ZC2HC1B: variants seen among roughly 807,000 people sequenced by gnomAD.
ZC2HC1B encodes the protein zinc finger C2HC domain-containing protein 1B.
Under a neutral mutation model 31.0 loss-of-function variants are expected in ZC2HC1B, and 36 were observed. The observed-to-expected ratio is 1.16, with a 90% confidence interval of 0.89 to 1.54. The LOEUF (loss-of-function observed/expected upper bound fraction) is 1.54. ZC2HC1B is among the 40% of genes most tolerant of loss of function. The probability of loss-of-function intolerance (pLI) is 0.00; values close to 1 mark genes in which losing one functional copy is unlikely to be tolerated. For synonymous variants in ZC2HC1B, 73 were observed against 88.0 expected (o/e 0.83, Z 0.95); for missense variants, 260 against 268.6 (o/e 0.97, Z 0.22).
chr6:143,872,875 T>C lies in ZC2HC1B; in HGVS notation c.28+8308T>C, dbSNP rs1582950092. On this transcript the variant is annotated intron_variant, in intron 1 of 7. Transcript: ENST00000237275. This position sits in a 1 kb window ranked among gnomAD's most constrained non-coding sequence, Gnocchi z 5.5. ...CTGGGAGATAAAATTCAAGTGGAGA[T>C]TTGGGTAGGGACACAACCAAACCAT... Among the ~76,000 whole-genome samples, 1 of 152,260 alleles carries C rather than the reference T, an allele frequency of 6.6e-6. No homozygotes were observed. Among genetic ancestry groups the C allele is most frequent in the East Asian group, 1.9e-4 (1 of 5,178 alleles).
chr6:143,886,725 GAC>G lies in ZC2HC1B; in HGVS notation c.254_255del (p.Asp85ValfsTer3). 1 of 1,547,320 alleles carries G rather than the reference GAC, an allele frequency of 6.5e-7. No individual in the cohort carries two copies. Among genetic ancestry groups the G allele is most frequent in the Non-Finnish European group, 8.7e-7 (1 of 1,145,004 alleles). ...GTCTAACTGGAGACAACAACATGAA[GAC>G]TTTATTAATGCAATCCGATCAGCAA... ...RKSNWRQQHE[D>X]FINAIRSAKQ... On this transcript the variant is annotated frameshift_variant, in exon 4 of 8. Coordinates refer to ENST00000237275, the MANE Select transcript of ZC2HC1B (RefSeq NM_001013623.3). LOFTEE classifies it high-confidence loss of function. The surrounding 1 kb of genome is among the most constrained non-coding windows in gnomAD (Gnocchi z 4.2).
Position 143,903,218 on chromosome 6 carries a change from G to C in ZC2HC1B, c.598+66G>C. On this transcript the variant is annotated intron_variant, in intron 6 of 7. Coordinates refer to ENST00000237275, the MANE Select transcript of ZC2HC1B (RefSeq NM_001013623.3). This position sits in a 1 kb window ranked among gnomAD's most constrained non-coding sequence, Gnocchi z 4.3. ...TCAGAGGAGATCACTGTTGGGTTTG[G>C]GATTCACTGGTAGTCTGCAAAAGCT... 1 of 1,378,570 alleles carries C rather than the reference G, an allele frequency of 7.3e-7. No individual in the cohort carries two copies. Among genetic ancestry groups the C allele is most frequent in the Non-Finnish European group, 1.0e-6 (1 of 990,146 alleles). The allele number at this position is 1,378,570 out of a possible 1,614,324, so 85.4% of individuals were successfully genotyped here. A position where few individuals can be genotyped will look rare whatever the true frequency, so the allele number is the denominator to read the frequency against.
chr6:143,891,203 C>T (rs1365523092), intron 4 of ZC2HC1B, among the ~76,000 whole-genome samples: 4 of 149,474 alleles, frequency 2.7e-5, no homozygotes, highest in African/African-American at 7.4e-5. Context: ...GTGTATTTAA[C>T]AAAATATATG....
Position 143,895,496 on chromosome 6 carries a change from T to G in ZC2HC1B, c.350-3056T>G, listed in dbSNP as rs1777655672. On this transcript the variant is annotated intron_variant, in intron 4 of 7. Coordinates refer to ENST00000237275, the MANE Select transcript of ZC2HC1B (RefSeq NM_001013623.3). The surrounding 1 kb of genome is among the most constrained non-coding windows in gnomAD (Gnocchi z 4.8). ...AGAATTTATATACATATAACTAGAG[T>G]TATATATAACATGGCCTAACATGCA... Among the ~76,000 whole-genome samples the G allele has an allele frequency of 6.6e-6, 1 of 152,050 alleles. No homozygotes were observed. Among genetic ancestry groups the G allele is most frequent in the South Asian group, 2.1e-4 (1 of 4,820 alleles).
rs1408221678 is a variant in ZC2HC1B at position 143,871,265 on chromosome 6, G to A, written c.28+6698G>A. On this transcript the variant is annotated intron_variant, in intron 1 of 7. Coordinates refer to ENST00000237275, the MANE Select transcript of ZC2HC1B (RefSeq NM_001013623.3). This position sits in a 1 kb window ranked among gnomAD's most constrained non-coding sequence, Gnocchi z 4.1. ...GTCAGCATAATGTCATCAATGTAATGGACCAGTGTGATACCTTGTGGAAGC... is the reference window on the plus strand; with the variant it reads ...GTCAGCATAATGTCATCAATGTAATAGACCAGTGTGATACCTTGTGGAAGC... Among the ~76,000 whole-genome samples, 1 of 152,126 alleles carries A rather than the reference G, an allele frequency of 6.6e-6. No individual in the cohort carries two copies. Among genetic ancestry groups the A allele is most frequent in the African/African-American group, 2.4e-5 (1 of 41,430 alleles).
chr6:143,881,969 G>A (rs1777473684), intron 1 of ZC2HC1B, among the ~76,000 whole-genome samples: 1 of 152,098 alleles, frequency 6.6e-6, no homozygotes, highest in Non-Finnish European at 1.5e-5. Context: ...TTGTTTTCAG[G>A]TGAGTACTAA....
At position 143,921,199 on chromosome 6, in the gene ZC2HC1B, C is replaced by T. The variant is rs1284856768; in HGVS notation, c.599-16450C>T. On this transcript the variant is annotated intron_variant, in intron 6 of 7. Transcript: ENST00000237275. The surrounding 1 kb of genome is among the most constrained non-coding windows in gnomAD (Gnocchi z 6.1). ...TTCCTTCAGTTCTTTGCTAAAGTGTCGCCTCAGTGAGACTTCTCCAACCTC... is the reference window on the plus strand; with the variant it reads ...TTCCTTCAGTTCTTTGCTAAAGTGTTGCCTCAGTGAGACTTCTCCAACCTC... Among the ~76,000 whole-genome samples the T allele has an allele frequency of 4.6e-5, 7 of 152,298 alleles. No individual in the cohort carries two copies. In the South Asian group the frequency reaches 8.3e-4, roughly 18 times the overall value.
chr6:143,908,066 T>A lies in ZC2HC1B; in HGVS notation c.598+4914T>A, dbSNP rs1158274891. On this transcript the variant is annotated intron_variant, in intron 6 of 7. Coordinates refer to ENST00000237275, the MANE Select transcript of ZC2HC1B (RefSeq NM_001013623.3). This position sits in a 1 kb window ranked among gnomAD's most constrained non-coding sequence, Gnocchi z 4.4. Reference sequence around the variant, plus strand: ...TCCCCATTGCTTGTTTTTGTCAGGTTTGTTGAAGATCAGATGGTTTTAGGT... The same window carrying A: ...TCCCCATTGCTTGTTTTTGTCAGGTATGTTGAAGATCAGATGGTTTTAGGT... 6.6e-6 allele frequency among the ~76,000 whole-genome samples: 1 copy of A among 152,208 alleles called. No homozygotes were observed. The highest frequency in any genetic ancestry group is 6.5e-5 in the Admixed American group (1 of 15,288).
chr6:143,897,572 T>C (rs1025269122), intron 4 of ZC2HC1B, among the ~76,000 whole-genome samples: 2 of 151,940 alleles, frequency 1.3e-5, no homozygotes, highest in African/African-American at 4.8e-5. Flanking sequence ...CTCTGGAAGC[T>C]GAAGCTGTTT....
rs1582950591 is a variant in ZC2HC1B at position 143,873,752 on chromosome 6, G to A, written c.28+9185G>A. 3.3e-5 allele frequency among the ~76,000 whole-genome samples: 5 copies of A among 152,350 alleles called. No individual in the cohort carries two copies. The South Asian group carries it at 1.0e-3, about 32-fold the overall frequency. ...ACAGCTGAAGTGGCTGGGACACAGG[G>A]CACCAAGTCCCTAGGCTGTACATGG... On this transcript the variant is annotated intron_variant, in intron 1 of 7. Coordinates refer to ENST00000237275, the MANE Select transcript of ZC2HC1B (RefSeq NM_001013623.3).
chr6:143,867,606 G>T (rs1177578938), intron 1 of ZC2HC1B, among the ~76,000 whole-genome samples: 1 of 152,220 alleles, frequency 6.6e-6, no homozygotes, highest in Non-Finnish European at 1.5e-5. Context: ...GGTGAAATGA[G>T]TGTCTCCAAC....
At chr6:143,892,695 C>G (rs1457328702) in intron 4 of ZC2HC1B, among the ~76,000 whole-genome samples, 1 of 152,144 alleles carries the variant, frequency 6.6e-6, no homozygotes, top group Non-Finnish European at 1.5e-5. Flanking sequence ...AATACATCCA[C>G]CCCCATGATC....
intron 6 of ZC2HC1B, among the ~76,000 whole-genome samples, chr6:143,932,891 G>A (rs1446776662): frequency 6.6e-6 from 1 of 152,194 alleles, no homozygotes; most frequent in African/African-American, 2.4e-5. Context: ...CTAGGAGCCA[G>A]ATTGTGGTGA....
intron 6 of ZC2HC1B, among the ~76,000 whole-genome samples, chr6:143,927,632 A>T (rs147263959): frequency 2.0e-5 from 3 of 152,162 alleles, no homozygotes; most frequent in Admixed American, 2.0e-4. Context: ...TGATAAAATG[A>T]TTCTTTTCCT....
intron 4 of ZC2HC1B, among the ~76,000 whole-genome samples, chr6:143,897,035 TA>T (rs1347505417): frequency 1.3e-5 from 2 of 152,110 alleles, no homozygotes; most frequent in East Asian, 3.8e-4. Flanking sequence ...AAATAAAGGA[TA>T]AGGCTACCAG....
intron 6 of ZC2HC1B, among the ~76,000 whole-genome samples, chr6:143,928,988 A>G (rs1778085672): frequency 6.6e-6 from 1 of 151,972 alleles, no homozygotes; most frequent in Non-Finnish European, 1.5e-5. Context: ...AGTCTTTTGG[A>G]GAGGAGTCTT....
chr6:143,931,742 G>A (rs553535560), intron 6 of ZC2HC1B, among the ~76,000 whole-genome samples: 1 of 152,108 alleles, frequency 6.6e-6, no homozygotes, highest in Admixed American at 6.6e-5. Flanking sequence ...TGATGCTTTT[G>A]CCTCAGAGCT....
intron 6 of ZC2HC1B, among the ~76,000 whole-genome samples, chr6:143,937,056 A>T (rs574330533): frequency 6.6e-6 from 1 of 152,312 alleles, no homozygotes; most frequent in South Asian, 2.1e-4. Flanking sequence ...TTTAACAAAA[A>T]AAAGAACCTC....
chr6:143,884,210 A>T lies in ZC2HC1B; in HGVS notation c.29-94A>T. On this transcript the variant is annotated intron_variant, in intron 1 of 7. Coordinates refer to ENST00000237275, the MANE Select transcript of ZC2HC1B (RefSeq NM_001013623.3). The surrounding 1 kb of genome is among the most constrained non-coding windows in gnomAD (Gnocchi z 5.1). Reference sequence around the variant, plus strand: ...GGTGGGGAGGGAAAAGAGAGTGAGGATATCAAGCTATTGAGGTCACCTCCA... The same window carrying T: ...GGTGGGGAGGGAAAAGAGAGTGAGGTTATCAAGCTATTGAGGTCACCTCCA... 1 of 1,091,152 alleles carries T rather than the reference A, an allele frequency of 9.2e-7. No homozygotes were observed. The highest frequency in any genetic ancestry group is 1.3e-6 in the Non-Finnish European group (1 of 768,136). 67.6% of individuals were successfully genotyped at this position (1,091,152 alleles called of 1,614,324 possible).
Sources: gnomAD v4.1 joint callset for allele counts (sites outside exome capture counted in the v4.1 genomes callset) on GRCh38, gnomAD v4.1.1 for gene constraint, Gnocchi (gnomAD v3.1) non-coding constraint, MANE v1.5 for transcripts, NCBI Gene and HGNC (gene_info 2026-07-23, HGNC 2026-07-21) for gene names.